The following LHX6 variants were observed in gnomAD, a reference collection of about 807,000 sequenced individuals.
LHX6 encodes the protein LIM homeobox 6, also known as LIM/homeobox protein Lhx6.
LHX6 carries 15 observed loss-of-function variants against 47.1 expected under a neutral mutation model. The ratio of observed to expected loss-of-function variants is 0.32; its 90% CI spans 0.21 to 0.49. The LOEUF is 0.49. LHX6 is among the 20% of genes least tolerant of loss of function. The probability of loss-of-function intolerance (pLI) is 0.99; values close to 1 mark genes in which losing one functional copy is unlikely to be tolerated. For missense variants in LHX6, 404 were observed against 539.6 expected, an observed-to-expected ratio of 0.75 and a Z score of 2.49; for synonymous variants, 242 against 233.5, an observed-to-expected ratio of 1.04 and a Z score of -0.33.
rs1008332440 is a variant in LHX6 at position 122,213,839 on chromosome 9, G to T, written c.880-59C>A. On this transcript the variant is annotated intron_variant, in intron 7 of 9. Coordinates refer to ENST00000394319, the MANE Select transcript of LHX6 (RefSeq NM_014368.5). This position sits in a 1 kb window ranked among gnomAD's most constrained non-coding sequence, Gnocchi z 5.5. ...GGAAAAGAGTCGGACGCGCCGCCGGGAGACCCCAGGCGGGACTGCCTCGTC... is the reference window on the plus strand; with the variant it reads ...GGAAAAGAGTCGGACGCGCCGCCGGTAGACCCCAGGCGGGACTGCCTCGTC... The T allele has an allele frequency of 6.5e-7, 1 of 1,541,380 alleles. No homozygotes were observed.
chr9:122,203,563 G>A lies in LHX6; in HGVS notation c.*1197C>T, dbSNP rs1252584750. The stretch of plus-strand genomic sequence containing the variant: ...TAAATCATGGTCGTGTGTAGCCTGA[G>A]CCCTTTTGTTTGGGGTGGAAGAGTT... On this transcript the variant is annotated 3_prime_UTR_variant, in exon 10 of 10. Coordinates refer to ENST00000394319, the MANE Select transcript of LHX6 (RefSeq NM_014368.5). 1 of 152,664 alleles carries A rather than the reference G, an allele frequency of 6.6e-6. No individual in the cohort carries two copies. Among genetic ancestry groups the A allele is most frequent in the Non-Finnish European group, 1.5e-5 (1 of 68,068 alleles). The allele number at this position is 152,664 out of a possible 1,614,324, so 9.5% of individuals were successfully genotyped here.
intron 1 of LHX6, chr9:122,227,796 C>T (rs909991527): frequency 2.5e-6 from 1 of 394,934 alleles, no homozygotes; most frequent in Non-Finnish European, 4.5e-6. Context: ...CACACACAAA[C>T]TACCTGCAAT....
chr9:122,204,941 A>G (rs560385820), intron 9 of LHX6, among the ~76,000 whole-genome samples, 161 bp from the exon 10 acceptor site: 1 of 152,102 alleles, frequency 6.6e-6, no homozygotes, highest in African/African-American at 2.4e-5. Flanking sequence ...ACCTTGGGCA[A>G]CTCACTGCAC....
chr9:122,210,749 G>C (rs1186802112), intron 8 of LHX6, among the ~76,000 whole-genome samples: 1 of 152,080 alleles, frequency 6.6e-6, no homozygotes, highest in Admixed American at 6.5e-5. Context: ...TTTTGGTATA[G>C]AGGGGGTTTC....
At position 122,217,727 on chromosome 9, in the gene LHX6, G is replaced by A. The variant is rs1001851036; in HGVS notation, c.462-439C>T. 1.3e-5 allele frequency among the ~76,000 whole-genome samples: 2 copies of A among 152,182 alleles called. No homozygotes were observed. The highest frequency in any genetic ancestry group is 2.9e-5 in the Non-Finnish European group (2 of 68,032). ...GACTAGAGAGGTAAAGTAACTTGCAGGAGGTCACACCGCTTGCAATGATAG... is the reference window on the plus strand; with the variant it reads ...GACTAGAGAGGTAAAGTAACTTGCAAGAGGTCACACCGCTTGCAATGATAG... On this transcript the variant is annotated intron_variant, in intron 4 of 9. Coordinates refer to ENST00000394319, the MANE Select transcript of LHX6 (RefSeq NM_014368.5). The surrounding 1 kb of genome is among the most constrained non-coding windows in gnomAD (Gnocchi z 4.9).
At chr9:122,227,072 C>T in intron 2 of LHX6, 42 bp from the exon 3 acceptor site, 1 of 1,442,146 alleles carries the variant, frequency 6.9e-7, no homozygotes, top group Non-Finnish European at 9.1e-7. Flanking sequence ...GATCCGGGCA[C>T]CCAGAGTTGG....
At chr9:122,222,359 G>T (rs887542239) in intron 4 of LHX6, among the ~76,000 whole-genome samples, 2 of 152,170 alleles carry the variant, frequency 1.3e-5, no homozygotes, top group Non-Finnish European at 2.9e-5. Context: ...AAAGAAAAAT[G>T]GTCTTCACCA....
At chr9:122,221,145 G>A in intron 4 of LHX6, 1 of 985,440 alleles carries the variant, frequency 1.0e-6, no homozygotes, top group African/African-American at 1.7e-5. Flanking sequence ...AGGCGAACAA[G>A]GTGGGTTGGA....
At position 122,204,321 on chromosome 9, in the gene LHX6, T is replaced by G; in HGVS notation, c.*439A>C. 8.7e-5 allele frequency: 17 copies of G among 196,514 alleles called. No individual in the cohort carries two copies. Among genetic ancestry groups the G allele is most frequent in the East Asian group, 3.5e-4 (3 of 8,636 alleles). The allele number at this position is 196,514 out of a possible 1,614,324, so 12.2% of individuals were successfully genotyped here. On this transcript the variant is annotated 3_prime_UTR_variant, in exon 10 of 10. Coordinates refer to ENST00000394319, the MANE Select transcript of LHX6 (RefSeq NM_014368.5). ...GACAAAAGCAACAGAGTGGATAACA[T>G]TGGGGGTTGTCAGCTATTCAGAATT...
chr9:122,205,724 C>T (rs1343421908), intron 9 of LHX6, among the ~76,000 whole-genome samples: 1 of 152,168 alleles, frequency 6.6e-6, no homozygotes, highest in Non-Finnish European at 1.5e-5. Flanking sequence ...CACCTGGGGG[C>T]ATTTTCTGTG....
chr9:122,222,848 T>C (rs545622224), intron 4 of LHX6, among the ~76,000 whole-genome samples: 1 of 152,314 alleles, frequency 6.6e-6, no homozygotes, highest in South Asian at 2.1e-4. Context: ...CATGGGGCCT[T>C]GGCCACTCCC....
chr9:122,226,777 G>A lies in LHX6; in HGVS notation c.339+71C>T. 6.8e-7 allele frequency: 1 copy of A among 1,471,558 alleles called. No individual in the cohort carries two copies. The allele number at this position is 1,471,558 out of a possible 1,614,324, so 91.2% of individuals were successfully genotyped here. On this transcript the variant is annotated intron_variant, in intron 3 of 9. Coordinates refer to ENST00000394319, the MANE Select transcript of LHX6 (RefSeq NM_014368.5). The surrounding 1 kb of genome is among the most constrained non-coding windows in gnomAD (Gnocchi z 6.5). ...ATTTGGAAGTAAGAGGACCTGCGGT[G>A]CTTCCCTGCAGTCTCCTGCGCTGCG...
At chr9:122,222,991 C>G (rs1273710549) in intron 4 of LHX6, among the ~76,000 whole-genome samples, 1 of 152,190 alleles carries the variant, frequency 6.6e-6, no homozygotes, top group Non-Finnish European at 1.5e-5. Context: ...TGACCCCTCC[C>G]TGGGCCCCAG....
intron 4 of LHX6, among the ~76,000 whole-genome samples, chr9:122,225,780 G>GGT (rs1831068914): frequency 6.6e-6 from 1 of 152,222 alleles, no homozygotes; most frequent in Admixed American, 6.5e-5. Context: ...CGGAGACAGA[G>GGT]GTTGGGGTTC....
intron 4 of LHX6, chr9:122,221,198 A>T: frequency 1.4e-5 from 14 of 985,202 alleles, no homozygotes; most frequent in Non-Finnish European, 1.7e-5. Flanking sequence ...CCTTCTAGGT[A>T]AACCCGTAGG....
intron 1 of LHX6, 81 bp from the exon 2 acceptor site, chr9:122,227,561 G>T: frequency 6.9e-7 from 1 of 1,439,858 alleles, no homozygotes; most frequent in Non-Finnish European, 9.1e-7. Context: ...GCCTCCCCGC[G>T]CCTGTTATAT....
At position 122,226,254 on chromosome 9, in the gene LHX6, C is replaced by T. The variant is rs574948847; in HGVS notation, c.461+122G>A. On this transcript the variant is annotated intron_variant, in intron 4 of 9. Transcript: ENST00000394319. The surrounding 1 kb of genome is among the most constrained non-coding windows in gnomAD (Gnocchi z 6.5). The stretch of plus-strand genomic sequence containing the variant: ...GCCGGCAGGTTGGACCAGCGCTGCG[C>T]GCCGGAAGTGCACTCGGGACGCCGG... The T allele has an allele frequency of 2.0e-5, 26 of 1,306,448 alleles. No individual in the cohort carries two copies. In the South Asian group the frequency reaches 2.8e-4, roughly 14 times the overall value. The allele number at this position is 1,306,448 out of a possible 1,614,324, so 80.9% of individuals were successfully genotyped here. A position where few individuals can be genotyped will look rare whatever the true frequency, so the allele number is the denominator to read the frequency against.
In LHX6 at chr9:122,226,655, G is replaced by A; in HGVS notation, c.340-158C>T. 4 of 1,276,824 alleles carry A rather than the reference G, an allele frequency of 3.1e-6. No individual in the cohort carries two copies. The highest frequency in any genetic ancestry group is 3.2e-6 in the Non-Finnish European group (3 of 937,846). 79.1% of individuals were successfully genotyped at this position (1,276,824 alleles called of 1,614,324 possible). On this transcript the variant is annotated intron_variant, in intron 3 of 9. Coordinates refer to ENST00000394319, the MANE Select transcript of LHX6 (RefSeq NM_014368.5). The surrounding 1 kb of genome is among the most constrained non-coding windows in gnomAD (Gnocchi z 6.5). ...CGTAATACTGAGACTCAGGGAAATGGAAATAAACTCTTCTTATTTTTCAGA... is the reference window on the plus strand; with the variant it reads ...CGTAATACTGAGACTCAGGGAAATGAAAATAAACTCTTCTTATTTTTCAGA...
intron 8 of LHX6, 125 bp from the exon 9 acceptor site, chr9:122,209,842 G>T: frequency 3.4e-6 from 2 of 593,268 alleles, no homozygotes; most frequent in East Asian, 2.9e-5. Flanking sequence ...CTCCTGGGTA[G>T]CCCTGGGCAA....
Sources: allele counts gnomAD v4.1 joint callset (sites outside exome capture counted in the v4.1 genomes callset), GRCh38; gene constraint gnomAD v4.1.1; non-coding constraint Gnocchi (gnomAD v3.1); transcripts MANE v1.5; gene names NCBI Gene and HGNC (gene_info 2026-07-23, HGNC 2026-07-21).